CNN1: variants seen among roughly 807,000 people sequenced by gnomAD.
CNN1 encodes calponin 1.
CNN1 carries 21 observed loss-of-function variants against 35.3 expected under a neutral mutation model. The ratio of observed to expected loss-of-function variants is 0.60; its 90% confidence interval spans 0.42 to 0.86. The LOEUF (loss-of-function observed/expected upper bound fraction) is 0.86. CNN1 is among the 40% of genes least tolerant of loss of function. The probability of loss-of-function intolerance (pLI) is 0.00; values close to 1 mark genes in which losing one functional copy is unlikely to be tolerated. For missense variants in CNN1, 314 were observed against 400.8 expected, an observed-to-expected ratio of 0.78 and a Z score of 1.85; for synonymous variants, 164 against 161.8, an observed-to-expected ratio of 1.01 and a Z score of -0.10.
chr19:11,549,990 G>A lies in CNN1; in HGVS notation c.*195G>A, dbSNP rs778113659. 17 of 777,820 alleles carry A rather than the reference G, an allele frequency of 2.2e-5. No individual in the cohort carries two copies. The African/African-American group carries it at 2.8e-4, about 13-fold the overall frequency. 48.2% of individuals were successfully genotyped at this position (777,820 alleles called of 1,614,324 possible). A position where few individuals can be genotyped will look rare whatever the true frequency, so the allele number is the denominator to read the frequency against. On this transcript the variant is annotated 3_prime_UTR_variant, in exon 7 of 7. Transcript: ENST00000252456. This position sits in a 1 kb window ranked among gnomAD's most constrained non-coding sequence, Gnocchi z 5.2. The stretch of plus-strand genomic sequence containing the variant: ...TGGGGGGAAGGGGACCCTCCGCTCT[G>A]TAGTGCTACAGGGTCCAACATAGAG...
rs1478121570 is a variant in CNN1, at chr19:11,549,336, A to G, written c.515A>G (p.Lys172Arg). ...NIIGLQMGTN[K>R]FASQQGMTAY... ...CTGGCTTCCTAGATGGGCACCAACA[A>G]GTTTGCCAGCCAGCAGGGCATGACG... is the stretch of plus-strand genomic sequence containing the variant. Residue 172 changes from lysine to arginine, a missense_variant, in exon 6 of 7, where the codon AAG (lysine) becomes AGG (arginine). Coordinates refer to ENST00000252456, the MANE Select transcript of CNN1 (RefSeq NM_001299.6). The surrounding 1 kb of genome is among the most constrained non-coding windows in gnomAD (Gnocchi z 5.2). 1.2e-6 allele frequency: 2 copies of G among 1,614,046 alleles called. No individual in the cohort carries two copies. The highest frequency in any genetic ancestry group is 3.3e-5 in the Admixed American group (2 of 59,990).
chr19:11,547,424 G>C (rs1972614572), intron 4 of CNN1, among the ~76,000 whole-genome samples: 2 of 149,846 alleles, frequency 1.3e-5, no homozygotes, highest in South Asian at 4.2e-4. Context: ...ACAAAAAACA[G>C]TGTTGGCCGG....
rs1033169144 is a variant in CNN1 at position 11,540,190 on chromosome 19, G to C, written c.64-886G>C. 5.1e-5 allele frequency: 22 copies of C among 435,228 alleles called. No homozygotes were observed. In the East Asian group the frequency reaches 6.3e-4, roughly 12 times the overall value. 27.0% of individuals were successfully genotyped at this position (435,228 alleles called of 1,614,324 possible). On this transcript the variant is annotated intron_variant, in intron 1 of 6. Transcript: ENST00000252456. ...GGAGAGAGGGAAAAGCAGGGAGGTG[G>C]GGGGAGAGGCAGACAGAGATACTGG...
At position 11,541,217 on chromosome 19, in the gene CNN1, C is replaced by A; in HGVS notation, c.185+20C>A. On this transcript the variant is annotated intron_variant, in intron 2 of 6. Coordinates refer to ENST00000252456, the MANE Select transcript of CNN1 (RefSeq NM_001299.6). ...TTGCGAGTGAGTGAGGCTCTCGAAGCCGAGACCCTGCAACATCCCCCAACT... is the reference window on the plus strand; with the variant it reads ...TTGCGAGTGAGTGAGGCTCTCGAAGACGAGACCCTGCAACATCCCCCAACT... The A allele has an allele frequency of 1.3e-6, 2 of 1,535,744 alleles. No homozygotes were observed. The highest frequency in any genetic ancestry group is 1.8e-6 in the Non-Finnish European group (2 of 1,137,338).
Position 11,541,976 on chromosome 19 carries a change from G to C in CNN1, c.185+779G>C, listed in dbSNP as rs1972474735. 3 of 139,112 alleles carry C rather than the reference G, an allele frequency of 2.2e-5. No homozygotes were observed. In the South Asian group the frequency reaches 7.2e-4, roughly 33 times the overall value. The allele number at this position is 139,112 out of a possible 1,614,324, so 8.6% of individuals were successfully genotyped here. On this transcript the variant is annotated intron_variant, in intron 2 of 6. Coordinates refer to ENST00000252456, the MANE Select transcript of CNN1 (RefSeq NM_001299.6). ...GCTGGTCTTGAACTCCTGACTTCAA[G>C]TGATCCACCTGCCTTGGCCTCCCAA...
chr19:11,548,893 AACT>A (rs1220444278), intron 5 of CNN1, among the ~76,000 whole-genome samples: 2 of 152,012 alleles, frequency 1.3e-5, no homozygotes, highest in African/African-American at 4.8e-5. Flanking sequence ...TATAAAAATA[AACT>A]AAAAAATGGG....
intron 1 of CNN1, 87 bp from the exon 2 acceptor site, chr19:11,540,989 A>G (rs1453192942): frequency 7.2e-7 from 1 of 1,387,784 alleles, no homozygotes; most frequent in Non-Finnish European, 9.6e-7. Context: ...AGGCTCTAGG[A>G]AGTTCAGACA....
Position 11,550,070 on chromosome 19 carries a change from T to G in CNN1, c.*275T>G. On this transcript the variant is annotated 3_prime_UTR_variant, in exon 7 of 7. Transcript: ENST00000252456. The stretch of plus-strand genomic sequence containing the variant: ...GCACTGAGCAACGCTATTCCAGCTG[T>G]CCCCCCACTCCCTCACAAGTGGGTA... 2.0e-4 allele frequency: 63 copies of G among 320,006 alleles called. No individual in the cohort carries two copies. Among genetic ancestry groups the G allele is most frequent in the Middle Eastern group, 8.6e-4 (1 of 1,164 alleles). 19.8% of individuals were successfully genotyped at this position (320,006 alleles called of 1,614,324 possible). A position where few individuals can be genotyped will look rare whatever the true frequency, so the allele number is the denominator to read the frequency against.
chr19:11,541,232 A>G (rs897791216), intron 2 of CNN1, 35 bp downstream of exon 2: 1 of 1,522,918 alleles, frequency 6.6e-7, no homozygotes, highest in Non-Finnish European at 8.8e-7. Context: ...ACCCTGCAAC[A>G]TCCCCCAACT....
chr19:11,544,170 A>G (rs1972528738), intron 2 of CNN1, among the ~76,000 whole-genome samples: 1 of 151,814 alleles, frequency 6.6e-6, no homozygotes, highest in South Asian at 2.1e-4. Flanking sequence ...ACTCAAGCGG[A>G]AGGGAAGATG....
chr19:11,544,494 CAG>C (rs1235765203), intron 2 of CNN1, among the ~76,000 whole-genome samples: 5 of 151,908 alleles, frequency 3.3e-5, no homozygotes, highest in Non-Finnish European at 7.4e-5. Flanking sequence ...TATTTAGAGA[CAG>C]AGTCTTGCTC....
intron 2 of CNN1, 74 bp from the exon 3 acceptor site, chr19:11,546,601 T>C (rs2145039737): frequency 6.5e-7 from 1 of 1,537,138 alleles, no homozygotes. Context: ...CCCAAAGTGC[T>C]GGGATTACAG....
At position 11,547,121 on chromosome 19, in the gene CNN1, G is replaced by T. The variant is rs976699517; in HGVS notation, c.390+152G>T. 3 of 1,140,378 alleles carry T rather than the reference G, an allele frequency of 2.6e-6. No individual in the cohort carries two copies. The African/African-American group carries it at 4.6e-5, about 17-fold the overall frequency. 70.6% of individuals were successfully genotyped at this position (1,140,378 alleles called of 1,614,324 possible). On this transcript the variant is annotated intron_variant, in intron 4 of 6. Coordinates refer to ENST00000252456, the MANE Select transcript of CNN1 (RefSeq NM_001299.6). The stretch of plus-strand genomic sequence containing the variant: ...TGTCAACAGCGTCCAAGGGGGCCGG[G>T]CGCGGTCGCTCACACCTGTAATCCC...
In CNN1 at chr19:11,541,201, A is replaced by G. The variant is rs754312571; in HGVS notation, c.185+4A>G. 1.3e-6 allele frequency: 2 copies of G among 1,560,172 alleles called. No homozygotes were observed. Among genetic ancestry groups the G allele is most frequent in the South Asian group, 1.2e-5 (1 of 84,228 alleles). On this transcript the variant is annotated splice_donor_region_variant and intron_variant, in intron 2 of 6. Coordinates refer to ENST00000252456, the MANE Select transcript of CNN1 (RefSeq NM_001299.6). The stretch of plus-strand genomic sequence containing the variant: ...AAGATGGCATCATTCTTTGCGAGTG[A>G]GTGAGGCTCTCGAAGCCGAGACCCT...
chr19:11,546,977 T>C lies in CNN1; in HGVS notation c.390+8T>C. The C allele has an allele frequency of 1.2e-6, 2 of 1,614,010 alleles. No homozygotes were observed. The highest frequency in any genetic ancestry group is 1.3e-5 in the African/African-American group (1 of 75,018). On this transcript the variant is annotated splice_region_variant and intron_variant, in intron 4 of 6. Coordinates refer to ENST00000252456, the MANE Select transcript of CNN1 (RefSeq NM_001299.6). The stretch of plus-strand genomic sequence containing the variant: ...CTGGCTTTGGCCAGCATGGTGAGTG[T>C]GGTTGCAGGCTGGGCAGGGGGTGGT...
chr19:11,547,082 C>G (rs1389541573), intron 4 of CNN1, 113 bp downstream of exon 4: 1 of 1,493,688 alleles, frequency 6.7e-7, no homozygotes, highest in African/African-American at 1.4e-5. Context: ...GGGCAGGGAT[C>G]GGGGAGCAGG....
rs778180351 is a variant in CNN1 at position 11,539,004 on chromosome 19, G to A, written c.63+14G>A. ...GTTAAGAACAAGGTAGGGCTGGAGG[G>A]CCTCCCTGGCCTGGCCCACACGTCC... On this transcript the variant is annotated intron_variant, in intron 1 of 6. Coordinates refer to ENST00000252456, the MANE Select transcript of CNN1 (RefSeq NM_001299.6). 12 of 1,568,018 alleles carry A rather than the reference G, an allele frequency of 7.7e-6. No homozygotes were observed. Among genetic ancestry groups the A allele is most frequent in the South Asian group, 7.0e-5 (6 of 85,614 alleles).
intron 1 of CNN1, chr19:11,539,769 G>C: frequency 8.8e-7 from 1 of 1,137,302 alleles, no homozygotes; most frequent in Non-Finnish European, 1.2e-6. Context: ...GGAAGTGGGG[G>C]ACTGGGTTGG....
At chr19:11,547,040 G>A (rs887854102) in intron 4 of CNN1, 71 bp downstream of exon 4, 9 of 1,598,704 alleles carry the variant, frequency 5.6e-6, no homozygotes, top group Non-Finnish European at 7.7e-6. Context: ...GGCCACTTGT[G>A]CTCCTGAGCC....
Sources: allele counts gnomAD v4.1 joint callset (sites outside exome capture counted in the v4.1 genomes callset), GRCh38; gene constraint gnomAD v4.1.1; non-coding constraint Gnocchi (gnomAD v3.1); transcripts MANE v1.5; gene names NCBI Gene and HGNC (gene_info 2026-07-23, HGNC 2026-07-21).